EIF3F: variants seen among roughly 807,000 people sequenced by gnomAD.
EIF3F encodes the protein eukaryotic translation initiation factor 3 subunit F.
EIF3F carries 8 observed loss-of-function variants against 36.0 expected under a neutral mutation model. The ratio of observed to expected loss-of-function variants is 0.22; its 90% CI spans 0.13 to 0.40. The LOEUF is 0.40. Ranked by LOEUF, EIF3F falls within the 10% of genes least tolerant of loss-of-function variation. EIF3F has a pLI of 1.00. For missense variants in EIF3F, 430 were observed against 467.6 expected, an observed-to-expected ratio of 0.92 and a Z score of 0.74; for synonymous variants, 184 against 188.5, an observed-to-expected ratio of 0.98 and a Z score of 0.19.
rs868644022 is a variant in EIF3F at position 7,994,458 on chromosome 11, G to T, written c.686G>T (p.Gly229Val). The change falls in exon 5 of 8, where the codon GGA becomes GTA. Residue 229 changes from glycine to valine, a missense_variant. By Grantham distance (109) the Gly-to-Val change is moderately radical (BLOSUM62 -3). Transcript: ENST00000651655. ...TLMGVPGRTM[G>V]VMFTPLTVKY... ...ATGGGAGTCCCTGGGAGGACCATGGGAGTGATGTTCACGCCTCTGACAGTG... is the reference window on the plus strand; with the variant it reads ...ATGGGAGTCCCTGGGAGGACCATGGTAGTGATGTTCACGCCTCTGACAGTG... 1.2e-6 allele frequency: 2 copies of T among 1,613,960 alleles called. No homozygotes were observed. Among genetic ancestry groups the T allele is most frequent in the African/African-American group, 2.7e-5 (2 of 74,912 alleles).
Position 7,987,412 on chromosome 11 carries a change from G to T in EIF3F, c.60G>T (p.Ala20=). ...CGGCCACGCCAACCCCAGTCCCGGC[G>T]GCGGCCCCAGCCTCAGTTCCAGCGC... ...APPATPTPVP[A]AAPASVPAPT... Residue 20 remains alanine, a synonymous_variant, in exon 1 of 8, where the codon GCG becomes GCT. Coordinates refer to ENST00000651655, the MANE Select transcript of EIF3F (RefSeq NM_003754.3). 1 of 1,601,028 alleles carries T rather than the reference G, an allele frequency of 6.2e-7. No individual in the cohort carries two copies. The highest frequency in any genetic ancestry group is 1.3e-5 in the African/African-American group (1 of 74,936).
Position 7,993,035 on chromosome 11 carries a change from T to C in EIF3F, c.653+11T>C. 6.3e-7 allele frequency: 1 copy of C among 1,576,674 alleles called. No homozygotes were observed. The highest frequency in any genetic ancestry group is 2.3e-5 in the East Asian group (1 of 43,868). On this transcript the variant is annotated intron_variant, in intron 4 of 7. Coordinates refer to ENST00000651655, the MANE Select transcript of EIF3F (RefSeq NM_003754.3). ...CAAAGCCTACGTCAGGTGACCACAG[T>C]CTTGGGCTACAAGGGCATAAAACCA...
At chr11:7,995,921 C>T (rs1220452721) in intron 7 of EIF3F, 24 bp from the exon 8 acceptor site, 1 of 1,610,414 alleles carries the variant, frequency 6.2e-7, no homozygotes, top group Admixed American at 1.7e-5. Context: ...ACCCCCCACT[C>T]ATTGTGTATT....
rs1002193712 is a variant in EIF3F at position 8,000,435 on chromosome 11, C to G, written c.*4413C>G. On this transcript the variant is annotated 3_prime_UTR_variant, in exon 8 of 8. Coordinates refer to ENST00000651655, the MANE Select transcript of EIF3F (RefSeq NM_003754.3). ...AATGGGGAGATGTTGGTCAAGGGTA[C>G]AAAGTTTCAGTTAAACAGGAGTAGT... is the stretch of plus-strand genomic sequence containing the variant. 1 of 151,930 alleles carries G rather than the reference C, an allele frequency of 6.6e-6. No individual in the cohort carries two copies. The highest frequency in any genetic ancestry group is 1.5e-5 in the Non-Finnish European group (1 of 68,014). The allele number at this position is 151,930 out of a possible 1,614,324, so 9.4% of individuals were successfully genotyped here.
At chr11:7,992,231 C>T (rs1942105767) in intron 3 of EIF3F, 68 bp downstream of exon 3, 12 of 1,338,682 alleles carry the variant, frequency 9.0e-6, no homozygotes, top group Non-Finnish European at 1.2e-5. Context: ...TCTTTTGCTA[C>T]TGGACTGGAT....
rs1942174231 is a variant in EIF3F at position 7,997,547 on chromosome 11, C to T, written c.*1525C>T. On this transcript the variant is annotated 3_prime_UTR_variant, in exon 8 of 8. Transcript: ENST00000651655. ...TTACAATAAATGTATAAGTATTAAA[C>T]TAGCCCAAGGAAAAATTGAATATTA... 1 of 152,162 alleles carries T rather than the reference C, an allele frequency of 6.6e-6. No homozygotes were observed. Among genetic ancestry groups the T allele is most frequent in the African/African-American group, 2.4e-5 (1 of 41,446 alleles). The allele number at this position is 152,162 out of a possible 1,614,324, so 9.4% of individuals were successfully genotyped here. A position where few individuals can be genotyped will look rare whatever the true frequency, so the allele number is the denominator to read the frequency against.
At chr11:7,991,905 G>C in intron 2 of EIF3F, 54 bp downstream of exon 2, 1 of 1,599,878 alleles carries the variant, frequency 6.3e-7, no homozygotes, top group Non-Finnish European at 8.6e-7. Flanking sequence ...CATTTGCTCG[G>C]CTCCCCTCAC....
At chr11:7,995,524 A>C in intron 7 of EIF3F, 157 bp downstream of exon 7, 1 of 688,088 alleles carries the variant, frequency 1.5e-6, no homozygotes, top group Non-Finnish European at 2.6e-6. Context: ...AGGAAGGAAG[A>C]GGTGTGTTAT....
intron 1 of EIF3F, among the ~76,000 whole-genome samples, chr11:7,990,529 AAAGT>A (rs1238087776): frequency 6.6e-6 from 1 of 152,234 alleles, no homozygotes; most frequent in Non-Finnish European, 1.5e-5. Flanking sequence ...AAAAACCTAA[AAAGT>A]CAGGAAGAAG....
chr11:7,995,468 A>G lies in EIF3F; in HGVS notation c.996+101A>G, dbSNP rs1240135039. On this transcript the variant is annotated intron_variant, in intron 7 of 7. Coordinates refer to ENST00000651655, the MANE Select transcript of EIF3F (RefSeq NM_003754.3). ...GTTGGGTGAGGTGACCTGGAGTAGG[A>G]TAGAGACAGGGCTTCACCTATAGCC... 5 of 982,500 alleles carry G rather than the reference A, an allele frequency of 5.1e-6. No individual in the cohort carries two copies. In the Admixed American group the frequency reaches 5.2e-5, roughly 10 times the overall value. 60.9% of individuals were successfully genotyped at this position (982,500 alleles called of 1,614,324 possible). A position where few individuals can be genotyped will look rare whatever the true frequency, so the allele number is the denominator to read the frequency against.
chr11:7,995,885 C>T, intron 7 of EIF3F, 60 bp from the exon 8 acceptor site: 1 of 1,471,994 alleles, frequency 6.8e-7, no homozygotes, highest in South Asian at 1.1e-5. Context: ...TGGCCAAAGC[C>T]AGCCTTTTTG....
intron 1 of EIF3F, among the ~76,000 whole-genome samples, chr11:7,988,450 T>TC (rs1486827872): frequency 1.3e-5 from 2 of 152,218 alleles, no homozygotes; most frequent in Non-Finnish European, 2.9e-5. Context: ...AATGACCCAT[T>TC]CTCTGCCTGT....
chr11:7,995,132 G>GA lies in EIF3F; in HGVS notation c.882+20dup. ...GAGGATGTACTGGTGAGAGGGGAAA[G>GA]AAAAAACAAAGGGGGAGGACATAGT... On this transcript the variant is annotated intron_variant, in intron 6 of 7. Transcript: ENST00000651655. The GA allele has an allele frequency of 6.2e-7, 1 of 1,611,532 alleles. No homozygotes were observed. Among genetic ancestry groups the GA allele is most frequent in the Non-Finnish European group, 8.5e-7 (1 of 1,178,804 alleles).
chr11:7,995,915 C>T (rs1406445896), intron 7 of EIF3F, 30 bp from the exon 8 acceptor site: 1 of 1,606,336 alleles, frequency 6.2e-7, no homozygotes, highest in Non-Finnish European at 8.5e-7. Context: ...CACCCAACCC[C>T]CCACTCATTG....
At position 7,987,690 on chromosome 11, in the gene EIF3F, C is replaced by T; in HGVS notation, c.338C>T (p.Ala113Val). 2.0e-6 allele frequency: 3 copies of T among 1,515,156 alleles called. No homozygotes were observed. Among genetic ancestry groups the T allele is most frequent in the Non-Finnish European group, 2.6e-6 (3 of 1,133,892 alleles). 93.9% of individuals were successfully genotyped at this position (1,515,156 alleles called of 1,614,324 possible). Residue 113 changes from alanine (A) to valine (V), a missense_variant, in exon 1 of 8, where the codon GCT (alanine) becomes GTT (valine). Transcript: ENST00000651655. ...VDSYERRNEG[A>V]ARVIGTLLGT... is the part of the protein sequence containing the mutation. ...AGCTACGAGAGACGCAACGAGGGTG[C>T]TGCCCGAGTTATCGGGACCCTGTTG...
intron 1 of EIF3F, among the ~76,000 whole-genome samples, chr11:7,988,174 G>A (rs1942050808): frequency 6.6e-6 from 1 of 152,148 alleles, no homozygotes; most frequent in Non-Finnish European, 1.5e-5. Context: ...CGTTTTCCAG[G>A]TATTGACAAA....
rs757652206 is a variant in EIF3F, at chr11:7,995,211, G to A, written c.883-43G>A. 23 of 1,606,968 alleles carry A rather than the reference G, an allele frequency of 1.4e-5. No individual in the cohort carries two copies. In the South Asian group the frequency reaches 2.3e-4, roughly 16 times the overall value. On this transcript the variant is annotated intron_variant, in intron 6 of 7. Coordinates refer to ENST00000651655, the MANE Select transcript of EIF3F (RefSeq NM_003754.3). ...GCTGATGAAATGGTAGGGCTCAGTG[G>A]TTATAATTAACTGCCTCATCGAGTC...
At chr11:7,991,194 GAAAA>G (rs917471795) in intron 1 of EIF3F, among the ~76,000 whole-genome samples, 1 of 133,854 alleles carries the variant, frequency 7.5e-6, no homozygotes, top group Non-Finnish European at 1.6e-5. Flanking sequence ...TTTCGTCTCA[GAAAA>G]AAAAAAAAGA....
chr11:7,991,989 C>T (rs1942101804), intron 2 of EIF3F, 95 bp from the exon 3 acceptor site: 1 of 1,487,244 alleles, frequency 6.7e-7, no homozygotes. Context: ...CTTCCTGGGC[C>T]TCTTCTGTTT....
Sources: gnomAD v4.1 joint callset for allele counts (sites outside exome capture counted in the v4.1 genomes callset) on GRCh38, gnomAD v4.1.1 for gene constraint, MANE v1.5 for transcripts, NCBI Gene and HGNC (gene_info 2026-07-23, HGNC 2026-07-21) for gene names.